SYNPO: variants seen among roughly 807,000 people sequenced by gnomAD.
SYNPO encodes the protein synaptopodin.
In SYNPO, 19 loss-of-function variants were observed where a neutral mutation model predicts 49.5. That is an observed-to-expected ratio of 0.38 (90% CI 0.27 to 0.56). The LOEUF is 0.56. Ranked by LOEUF, SYNPO falls within the 20% of genes least tolerant of loss-of-function variation. SYNPO has a pLI of 0.68. For missense variants in SYNPO, 1,131 were observed against 1,248.3 expected (o/e 0.91, Z 1.42); for synonymous variants, 536 against 548.0 (o/e 0.98, Z 0.31).
At chr5:150,640,544 T>G (rs2151402028), upstream of SYNPO, 3 of 618,880 alleles carry the variant, frequency 4.8e-6, no homozygotes, top group Non-Finnish European at 4.0e-6. Context: ...GAGAGAGGCA[T>G]GAGTGGAGCC....
intron 1 of SYNPO, among the ~76,000 whole-genome samples, chr5:150,602,997 G>GGGTGTGTGT (rs1554106602): frequency 1.5e-5 from 2 of 131,182 alleles, no homozygotes; most frequent in African/African-American, 5.9e-5. Context: ...GCCACCTTAG[G>GGGTGTGTGT]GTGTGTGTGT....
At chr5:150,607,581 G>A (rs1484612266) in intron 1 of SYNPO, among the ~76,000 whole-genome samples, 1 of 152,140 alleles carries the variant, frequency 6.6e-6, no homozygotes, top group Non-Finnish European at 1.5e-5. Flanking sequence ...TATTATTCTA[G>A]TTTTACAGAT....
the SYNPO span, among the ~76,000 whole-genome samples, chr5:150,595,573 G>A: frequency 6.6e-6 from 1 of 152,234 alleles, no homozygotes. Flanking sequence ...CTGGGGACAG[G>A]CAGACAAGAG....
the SYNPO span, among the ~76,000 whole-genome samples, chr5:150,586,811 T>A: frequency 6.6e-6 from 1 of 152,138 alleles, no homozygotes; most frequent in African/African-American, 2.4e-5. Flanking sequence ...CTTGAGTGGA[T>A]GTGGATGGGT....
At chr5:150,617,422 A>C (rs1305171280) in intron 1 of SYNPO, among the ~76,000 whole-genome samples, 1 of 152,068 alleles carries the variant, frequency 6.6e-6, no homozygotes, top group Admixed American at 6.5e-5. Flanking sequence ...CAGCCTCCCA[A>C]GTAGCTGGGA....
chr5:150,649,606 C>A lies in SYNPO; in HGVS notation c.1331C>A (p.Ala444Glu), dbSNP rs148818109. The change falls in exon 2 of 3, where the codon GCG (alanine) becomes GAG (glutamate). Residue 444 changes from alanine to glutamate, a missense_variant. Transcript: ENST00000307662. ...PAPRDRASPA[A>E]AEEVVPEWAS... The stretch of plus-strand genomic sequence containing the variant: ...CCTCGTGACAGGGCCAGCCCCGCGG[C>A]GGCGGAGGAGGTGGTACCAGAGTGG... 1 of 1,609,066 alleles carries A rather than the reference C, an allele frequency of 6.2e-7. No individual in the cohort carries two copies. Among genetic ancestry groups the A allele is most frequent in the Non-Finnish European group, 8.5e-7 (1 of 1,178,994 alleles).
chr5:150,592,833 T>C, the SYNPO span, among the ~76,000 whole-genome samples: 4 of 152,160 alleles, frequency 2.6e-5, no homozygotes, highest in South Asian at 8.3e-4. Flanking sequence ...GAAAAGGGCT[T>C]TTAAGGGTAT....
At position 150,649,082 on chromosome 5, in the gene SYNPO, C is replaced by T. The variant is rs772196418; in HGVS notation, c.807C>T (p.Ala269=). 6.2e-7 allele frequency: 1 copy of T among 1,613,854 alleles called. No individual in the cohort carries two copies. The highest frequency in any genetic ancestry group is 1.1e-5 in the South Asian group (1 of 91,080). Residue 269 remains alanine (A), a synonymous_variant, in exon 2 of 3, where the codon GCC becomes GCT. Transcript: ENST00000307662. ...AGAGACGACATTTTGGGGAGAAGGC[C>T]CCGGCTCCCCAGCCCCCCAGTTTGC... The part of the protein sequence containing the change: ...MLERRHFGEK[A]PAPQPPSLPD...
chr5:150,656,841 C>T lies in SYNPO; in HGVS notation c.2466C>T (p.Pro822=), dbSNP rs1197151932. Residue 822 remains proline, a synonymous_variant, in exon 3 of 3, where the codon CCC becomes CCT. Coordinates refer to ENST00000307662, the MANE Select transcript of SYNPO (RefSeq NM_007286.6). ...SAAVPGAAFA[P]IPRSPLPAGP... is the part of the protein sequence containing the mutation. ...CTGTGCCGGGGGCAGCCTTCGCGCC[C>T]ATCCCGCGGAGCCCGTTGCCCGCCG... The T allele has an allele frequency of 2.6e-6, 4 of 1,551,222 alleles. No individual in the cohort carries two copies. Among genetic ancestry groups the T allele is most frequent in the South Asian group, 2.4e-5 (2 of 84,708 alleles).
the SYNPO span, among the ~76,000 whole-genome samples, chr5:150,586,055 A>G: frequency 6.6e-6 from 1 of 152,264 alleles, no homozygotes; most frequent in Admixed American, 6.5e-5. Context: ...GAAGGTCCTC[A>G]GGATTCATTG....
At chr5:150,632,674 A>G (rs1431567857) in intron 2 of SYNPO, among the ~76,000 whole-genome samples, 1 of 152,116 alleles carries the variant, frequency 6.6e-6, no homozygotes, top group Non-Finnish European at 1.5e-5. Flanking sequence ...TTGGAGAAGG[A>G]GTGCTTGATG....
At chr5:150,586,773 A>C in the SYNPO span, among the ~76,000 whole-genome samples, 1 of 152,338 alleles carries the variant, frequency 6.6e-6, no homozygotes, top group East Asian at 1.9e-4. Context: ...AAACCTGAGA[A>C]ATATTAGTAG....
At chr5:150,643,691 C>G (rs1176488576) in intron 1 of SYNPO, among the ~76,000 whole-genome samples, 4 of 152,128 alleles carry the variant, frequency 2.6e-5, no homozygotes, top group South Asian at 2.1e-4. Context: ...CCCGCCACCA[C>G]GCTTGGCTAA....
chr5:150,617,818 G>A (rs868684683), intron 1 of SYNPO: 1 of 152,276 alleles, frequency 6.6e-6, no homozygotes, highest in African/African-American at 2.4e-5. Context: ...TGGTTTCTCT[G>A]CAAATATTGC....
intron 2 of SYNPO, among the ~76,000 whole-genome samples, chr5:150,627,961 G>A (rs1309252961): frequency 2.6e-5 from 4 of 151,992 alleles, no homozygotes; most frequent in South Asian, 4.2e-4. Flanking sequence ...TCAGAGGGGC[G>A]GCTGGGCCTG....
At chr5:150,654,409 A>G (rs777874371) in intron 2 of SYNPO, among the ~76,000 whole-genome samples, 5 of 151,966 alleles carry the variant, frequency 3.3e-5, no homozygotes, top group Non-Finnish European at 7.4e-5. Context: ...AACACACTAG[A>G]TTGTTATTTA....
chr5:150,650,924 C>T (rs574897866), intron 2 of SYNPO: 24 of 1,257,804 alleles, frequency 1.9e-5, no homozygotes, highest in South Asian at 1.6e-4. Context: ...GCCTCGCCTC[C>T]GCCTGCGCTC....
At chr5:150,636,508 C>T (rs758900027), upstream of SYNPO, among the ~76,000 whole-genome samples, 4 of 152,148 alleles carry the variant, frequency 2.6e-5, no homozygotes, top group Non-Finnish European at 5.9e-5. Flanking sequence ...ACAGGACAGA[C>T]CCTGGAACCA....
At chr5:150,593,214 G>A in the SYNPO span, among the ~76,000 whole-genome samples, 1 of 152,232 alleles carries the variant, frequency 6.6e-6, no homozygotes, top group Non-Finnish European at 1.5e-5. Flanking sequence ...TGACTTGTGT[G>A]CTATCTTCAG....
Sources: allele counts gnomAD v4.1 joint callset (sites outside exome capture counted in the v4.1 genomes callset), GRCh38; gene constraint gnomAD v4.1.1; transcripts MANE v1.5; gene names NCBI Gene and HGNC (gene_info 2026-07-23, HGNC 2026-07-21).